The following KDM1B variants were observed in gnomAD, a reference collection of about 807,000 sequenced individuals.
The protein encoded by KDM1B is lysine-specific histone demethylase 2.
Under a neutral mutation model 107.4 loss-of-function variants are expected in KDM1B, and 63 were observed. The observed-to-expected ratio is 0.59, with a 90% confidence interval of 0.48 to 0.72. The LOEUF (loss-of-function observed/expected upper bound fraction) is 0.72. Among genes scored for constraint, KDM1B ranks in the 30% least tolerant of loss-of-function variants. The pLI is 0.00. For synonymous variants in KDM1B, 363 were observed against 363.9 expected, an observed-to-expected ratio of 1.00 and a Z score of 0.03; for missense variants, 749 against 1,020.8, an observed-to-expected ratio of 0.73 and a Z score of 3.63.
chr6:18,181,535 C>T (rs1410727426), intron 7 of KDM1B, among the ~76,000 whole-genome samples: 1 of 152,130 alleles, frequency 6.6e-6, no homozygotes, highest in African/African-American at 2.4e-5. Flanking sequence ...GAGGCTGAAG[C>T]AGGAGTTTGA....
At position 18,222,024 on chromosome 6, in the gene KDM1B, C is replaced by A; in HGVS notation, c.*32C>A. 1 of 1,585,358 alleles carries A rather than the reference C, an allele frequency of 6.3e-7. No homozygotes were observed. Among genetic ancestry groups the A allele is most frequent in the East Asian group, 2.2e-5 (1 of 44,744 alleles). On this transcript the variant is annotated 3_prime_UTR_variant, in exon 22 of 22. Coordinates refer to ENST00000650836, the MANE Select transcript of KDM1B (RefSeq NM_001364614.2). Reference sequence around the variant, plus strand: ...GGTGGACCCAGCTTTCTTCTGTACCCCAGATGGGGAAATTTGAATCACATG... The same window carrying A: ...GGTGGACCCAGCTTTCTTCTGTACCACAGATGGGGAAATTTGAATCACATG...
At chr6:18,178,832 C>T (rs894144207) in intron 7 of KDM1B, among the ~76,000 whole-genome samples, 7 of 152,186 alleles carry the variant, frequency 4.6e-5, no homozygotes, top group African/African-American at 1.7e-4. Flanking sequence ...TTCATAGATT[C>T]CTTTGGGTTG....
At chr6:18,182,446 C>T (rs1786541226) in intron 7 of KDM1B, among the ~76,000 whole-genome samples, 1 of 152,112 alleles carries the variant, frequency 6.6e-6, no homozygotes, top group Admixed American at 6.6e-5. Flanking sequence ...CAACTCTGTA[C>T]ACTGTTTTTG....
At chr6:18,173,032 G>A (rs1341082826) in intron 7 of KDM1B, among the ~76,000 whole-genome samples, 1 of 150,870 alleles carries the variant, frequency 6.6e-6, no homozygotes, top group Admixed American at 6.6e-5. Context: ...GGAGGTTGCA[G>A]TGAGCTGAGA....
intron 9 of KDM1B, 66 bp downstream of exon 9, chr6:18,188,068 T>A: frequency 1.5e-6 from 2 of 1,374,390 alleles, no homozygotes; most frequent in Non-Finnish European, 2.0e-6. Context: ...AACGTGTGAG[T>A]GAGCAAAACG....
rs1273435790 is a variant in KDM1B at position 18,201,158 on chromosome 6, C to T, written c.1360-328C>T. On this transcript the variant is annotated intron_variant, in intron 13 of 21. Coordinates refer to ENST00000650836, the MANE Select transcript of KDM1B (RefSeq NM_001364614.2). This position sits in a 1 kb window ranked among gnomAD's most constrained non-coding sequence, Gnocchi z 4.3. ...GTTTGTGTGTTTGTGTGTTCATTTACATGAGGGTCCACAGAGGAGACAGAA... is the reference window on the plus strand; with the variant it reads ...GTTTGTGTGTTTGTGTGTTCATTTATATGAGGGTCCACAGAGGAGACAGAA... 6.6e-6 allele frequency among the ~76,000 whole-genome samples: 1 copy of T among 152,152 alleles called. No homozygotes were observed. Among genetic ancestry groups the T allele is most frequent in the Non-Finnish European group, 1.5e-5 (1 of 68,042 alleles).
intron 7 of KDM1B, among the ~76,000 whole-genome samples, chr6:18,179,540 A>G (rs1472267674): frequency 6.6e-6 from 1 of 152,184 alleles, no homozygotes; most frequent in African/African-American, 2.4e-5. Flanking sequence ...GGAATTACAA[A>G]TTCAGTTTCT....
In KDM1B at chr6:18,213,873, C is replaced by G. The variant is rs1338749579; in HGVS notation, c.2109+92C>G. 1 of 1,390,630 alleles carries G rather than the reference C, an allele frequency of 7.2e-7. No homozygotes were observed. Among genetic ancestry groups the G allele is most frequent in the African/African-American group, 1.4e-5 (1 of 70,314 alleles). 86.1% of individuals were successfully genotyped at this position (1,390,630 alleles called of 1,614,324 possible). A position where few individuals can be genotyped will look rare whatever the true frequency, so the allele number is the denominator to read the frequency against. Reference sequence around the variant, plus strand: ...CTCACCTATCAAGCTCAGGAACTAACGAACATCATGGAGACCCTGGGTCTA... The same window carrying G: ...CTCACCTATCAAGCTCAGGAACTAAGGAACATCATGGAGACCCTGGGTCTA... On this transcript the variant is annotated intron_variant, in intron 19 of 21. Coordinates refer to ENST00000650836, the MANE Select transcript of KDM1B (RefSeq NM_001364614.2). The surrounding 1 kb of genome is among the most constrained non-coding windows in gnomAD (Gnocchi z 5.9).
At position 18,198,896 on chromosome 6, in the gene KDM1B, A is replaced by G. The variant is rs542173018; in HGVS notation, c.1221+1235A>G. 1.1e-4 allele frequency among the ~76,000 whole-genome samples: 16 copies of G among 148,554 alleles called. 1 individual carries two copies. In the South Asian group the frequency reaches 2.0e-3, roughly 19 times the overall value. On this transcript the variant is annotated intron_variant, in intron 12 of 21. Coordinates refer to ENST00000650836, the MANE Select transcript of KDM1B (RefSeq NM_001364614.2). The stretch of plus-strand genomic sequence containing the variant: ...AAAAAACTAGAAATGGGCTGGGCAC[A>G]GTGGCTCAGTGCCTGTAATCCCAGC...
chr6:18,163,917 T>C (rs1785122887), intron 5 of KDM1B, among the ~76,000 whole-genome samples: 1 of 152,100 alleles, frequency 6.6e-6, no homozygotes. Flanking sequence ...GGTCTATCAG[T>C]GTCAACTAGA....
Position 18,162,981 on chromosome 6 carries a change from T to C in KDM1B, c.305+57T>C. On this transcript the variant is annotated intron_variant, in intron 5 of 21. Transcript: ENST00000650836. This position sits in a 1 kb window ranked among gnomAD's most constrained non-coding sequence, Gnocchi z 4.1. ...GAGAAGGGGACCGTGGCAGGGGCAG[T>C]GCGTGTGGTCAGCTGATTAAAGCTT... 3 of 1,024,368 alleles carry C rather than the reference T, an allele frequency of 2.9e-6. No individual in the cohort carries two copies. In the South Asian group the frequency reaches 3.8e-5, roughly 13 times the overall value. 63.5% of individuals were successfully genotyped at this position (1,024,368 alleles called of 1,614,324 possible). A position where few individuals can be genotyped will look rare whatever the true frequency, so the allele number is the denominator to read the frequency against.
rs1408432886 is a variant in KDM1B, at chr6:18,204,060, C to T, written c.1532-1477C>T. On this transcript the variant is annotated intron_variant, in intron 14 of 21. Coordinates refer to ENST00000650836, the MANE Select transcript of KDM1B (RefSeq NM_001364614.2). The surrounding 1 kb of genome is among the most constrained non-coding windows in gnomAD (Gnocchi z 4.9). Reference sequence around the variant, plus strand: ...AGGAGCAACAAAGACAGGCACAAATCTGGAGGCCTCTTGGGCATCCGCATG... The same window carrying T: ...AGGAGCAACAAAGACAGGCACAAATTTGGAGGCCTCTTGGGCATCCGCATG... Among the ~76,000 whole-genome samples the T allele has an allele frequency of 6.6e-6, 1 of 152,058 alleles. No individual in the cohort carries two copies. The highest frequency in any genetic ancestry group is 1.5e-5 in the Non-Finnish European group (1 of 68,016).
intron 5 of KDM1B, among the ~76,000 whole-genome samples, chr6:18,163,462 G>C (rs982496126): frequency 3.9e-5 from 6 of 152,014 alleles, no homozygotes; most frequent in Non-Finnish European, 7.4e-5. Context: ...TTTTTTACTT[G>C]TGTTTGCTTT....
chr6:18,185,102 A>T (rs1284828582), intron 7 of KDM1B, among the ~76,000 whole-genome samples: 1 of 152,184 alleles, frequency 6.6e-6, no homozygotes, highest in Non-Finnish European at 1.5e-5. Flanking sequence ...GTGCAGATAT[A>T]CAAGAGTCTC....
intron 7 of KDM1B, among the ~76,000 whole-genome samples, chr6:18,179,273 CT>C (rs1786270691): frequency 6.6e-6 from 1 of 151,974 alleles, no homozygotes; most frequent in Non-Finnish European, 1.5e-5. Flanking sequence ...ATATATTGTT[CT>C]TTTTATATAT....
At position 18,208,603 on chromosome 6, in the gene KDM1B, G is replaced by GTGTATATATATATATATA. The variant is rs1359166965; in HGVS notation, c.1866+398_1866+399insGTATATATATATATATAT. Among the ~76,000 whole-genome samples the GTGTATATATATATATATA allele has an allele frequency of 1.2e-3, 41 of 34,914 alleles. 1 individual carries two copies. The highest frequency in any genetic ancestry group is 1.9e-3 in the Non-Finnish European group (39 of 20,810). The allele number at this position is 34,914 out of a possible 152,430, so 22.9% of individuals were successfully genotyped here. ...TAGGGTTAAATAGAAGTATGTGTAT[G>GTGTATATATATATATATA]TATATATATATATATATATATATAT... is the stretch of plus-strand genomic sequence containing the variant. On this transcript the variant is annotated intron_variant, in intron 17 of 21. Transcript: ENST00000650836.
rs139060839 is a variant in KDM1B, at chr6:18,200,097, C to T, written c.1222-342C>T. Among the ~76,000 whole-genome samples, 748 of 152,312 alleles carry T rather than the reference C, an allele frequency of 4.9e-3. 7 individuals carry two copies. The highest frequency in any genetic ancestry group is 0.017 in the African/African-American group (696 of 41,580). On this transcript the variant is annotated intron_variant, in intron 12 of 21. Transcript: ENST00000650836. This position sits in a 1 kb window ranked among gnomAD's most constrained non-coding sequence, Gnocchi z 4.3. ...CCATGTTGGCCAAACTGGTCACAAA[C>T]TCTTGGCCTCATGTGATCCTCCTGC...
chr6:18,218,493 G>A (rs1295564999), intron 21 of KDM1B, among the ~76,000 whole-genome samples: 3 of 152,096 alleles, frequency 2.0e-5, no homozygotes, highest in Non-Finnish European at 4.4e-5. Context: ...TAAAGACTTA[G>A]CCCATTTAGT....
rs1582188996 is a variant in KDM1B, at chr6:18,205,504, A to AT, written c.1532-26dup. ...AGAATTGGAGAATCTTGTTAAAGCT[A>AT]TTTTTTTCTGCTTTGATCCATTCCC... is the stretch of plus-strand genomic sequence containing the variant. On this transcript the variant is annotated intron_variant, in intron 14 of 21. Coordinates refer to ENST00000650836, the MANE Select transcript of KDM1B (RefSeq NM_001364614.2). The surrounding 1 kb of genome is among the most constrained non-coding windows in gnomAD (Gnocchi z 5.7). 3 of 1,538,256 alleles carry AT rather than the reference A, an allele frequency of 2.0e-6. No individual in the cohort carries two copies. The highest frequency in any genetic ancestry group is 2.4e-5 in the South Asian group (2 of 83,166).
Sources: allele counts gnomAD v4.1 joint callset (sites outside exome capture counted in the v4.1 genomes callset), GRCh38; gene constraint gnomAD v4.1.1; non-coding constraint Gnocchi (gnomAD v3.1); transcripts MANE v1.5; gene names NCBI Gene and HGNC (gene_info 2026-07-23, HGNC 2026-07-21).